ATF7IP2: variants seen among roughly 807,000 people sequenced by gnomAD.
ATF7IP2 encodes activating transcription factor 7-interacting protein 2.
In ATF7IP2, 42 loss-of-function variants were observed where a neutral mutation model predicts 64.2. The observed-to-expected ratio is 0.65, with a 90% CI of 0.51 to 0.85. The LOEUF (loss-of-function observed/expected upper bound fraction) is 0.85. Among genes scored for constraint, ATF7IP2 ranks in the 40% least tolerant of loss-of-function variants. The pLI, the probability that ATF7IP2 is intolerant of heterozygous loss-of-function variation, is 0.00. For synonymous variants in ATF7IP2, 308 were observed against 272.8 expected (o/e 1.13, Z -1.27); for missense variants, 933 against 784.2 (o/e 1.19, Z -2.27).
intron 9 of ATF7IP2, among the ~76,000 whole-genome samples, chr16:10,459,351 C>G (rs1268529092): frequency 6.6e-6 from 1 of 152,068 alleles, no homozygotes; most frequent in African/African-American, 2.4e-5. Context: ...GCCTGTACTC[C>G]CAGCTACTCA....
chr16:10,462,809 C>G (rs1294618036), intron 9 of ATF7IP2, among the ~76,000 whole-genome samples: 2 of 152,054 alleles, frequency 1.3e-5, no homozygotes, highest in African/African-American at 4.8e-5. Context: ...TCTATGTCTT[C>G]TGTCTTACTG....
intron 9 of ATF7IP2, among the ~76,000 whole-genome samples, chr16:10,465,528 A>T (rs2049535989): frequency 1.3e-5 from 2 of 151,630 alleles, no homozygotes; most frequent in Admixed American, 6.6e-5. Context: ...TCCTGAGGTC[A>T]GGAATTTGAC....
intron 8 of ATF7IP2, among the ~76,000 whole-genome samples, chr16:10,444,864 T>C (rs916971498): frequency 6.6e-6 from 1 of 152,186 alleles, no homozygotes; most frequent in Non-Finnish European, 1.5e-5. Flanking sequence ...TACAATATTT[T>C]CAATTAATGC....
Position 10,482,253 on chromosome 16 carries a change from G to C in ATF7IP2, c.*4G>C. 1.3e-6 allele frequency: 2 copies of C among 1,559,762 alleles called. No individual in the cohort carries two copies. Among genetic ancestry groups the C allele is most frequent in the Non-Finnish European group, 1.7e-6 (2 of 1,150,982 alleles). ...GTTTTCTGAAAATCTTACGTAAAAG[G>C]TGTTTAATAATGATATACTACTTTT... On this transcript the variant is annotated 3_prime_UTR_variant, in exon 14 of 14. Transcript: ENST00000562102.
At chr16:10,413,183 T>G (rs938226212) in intron 1 of ATF7IP2, among the ~76,000 whole-genome samples, 1 of 152,160 alleles carries the variant, frequency 6.6e-6, no homozygotes, top group African/African-American at 2.4e-5. Context: ...ATGGTTTGGC[T>G]GTGTCCGTAC....
At position 10,482,466 on chromosome 16, in the gene ATF7IP2, A is replaced by G. The variant is rs550581050; in HGVS notation, c.*217A>G. On this transcript the variant is annotated 3_prime_UTR_variant, in exon 14 of 14. Transcript: ENST00000562102. ...ATGGATAAGTTCTAAAACATACGCT[A>G]TCATTGGCCCATGTTGCTGAGGTGC... 1.2e-4 allele frequency: 50 copies of G among 413,320 alleles called. No individual in the cohort carries two copies. The Middle Eastern group carries it at 5.9e-3, about 48-fold the overall frequency. The allele number at this position is 413,320 out of a possible 1,614,324, so 25.6% of individuals were successfully genotyped here. A position where few individuals can be genotyped will look rare whatever the true frequency, so the allele number is the denominator to read the frequency against.
intron 9 of ATF7IP2, among the ~76,000 whole-genome samples, chr16:10,462,823 T>G (rs989386506): frequency 1.3e-5 from 2 of 152,198 alleles, no homozygotes; most frequent in Non-Finnish European, 2.9e-5. Flanking sequence ...CTTACTGGTT[T>G]CTAATTATGT....
chr16:10,483,274 T>G lies in ATF7IP2; in HGVS notation c.*1025T>G, dbSNP rs971868165. Reference sequence around the variant, plus strand: ...GAGAATGCATTTGTCCACCTTTGATTTGAGGCTTTAGTTTGCTGATTTCCT... The same window carrying G: ...GAGAATGCATTTGTCCACCTTTGATGTGAGGCTTTAGTTTGCTGATTTCCT... On this transcript the variant is annotated 3_prime_UTR_variant, in exon 14 of 14. Coordinates refer to ENST00000562102, the MANE Select transcript of ATF7IP2 (RefSeq NM_001393719.1). 8.5e-5 allele frequency: 13 copies of G among 152,258 alleles called. No individual in the cohort carries two copies. The highest frequency in any genetic ancestry group is 2.9e-4 in the African/African-American group (12 of 41,538). 9.4% of individuals were successfully genotyped at this position (152,258 alleles called of 1,614,324 possible). A position where few individuals can be genotyped will look rare whatever the true frequency, so the allele number is the denominator to read the frequency against.
At chr16:10,413,419 T>A (rs1179400398) in intron 1 of ATF7IP2, among the ~76,000 whole-genome samples, 2 of 152,190 alleles carry the variant, frequency 1.3e-5, no homozygotes, top group Admixed American at 6.5e-5. Context: ...CCCGCCATGG[T>A]TCTGAGACAT....
Position 10,482,449 on chromosome 16 carries a change from G to A in ATF7IP2, c.*200G>A, listed in dbSNP as rs972773957. The A allele has an allele frequency of 2.1e-6, 1 of 467,438 alleles. No homozygotes were observed. The allele number at this position is 467,438 out of a possible 1,614,324, so 29.0% of individuals were successfully genotyped here. A position where few individuals can be genotyped will look rare whatever the true frequency, so the allele number is the denominator to read the frequency against. On this transcript the variant is annotated 3_prime_UTR_variant, in exon 14 of 14. Coordinates refer to ENST00000562102, the MANE Select transcript of ATF7IP2 (RefSeq NM_001393719.1). ...TTAAATATGTCCTTCCAATGGATAA[G>A]TTCTAAAACATACGCTATCATTGGC...
At chr16:10,440,090 G>A (rs965824012) in intron 7 of ATF7IP2, among the ~76,000 whole-genome samples, 2 of 151,968 alleles carry the variant, frequency 1.3e-5, no homozygotes, top group Non-Finnish European at 2.9e-5. Context: ...AACCCGGGAG[G>A]CAGAGGTTGC....
At chr16:10,461,572 T>G (rs954422343) in intron 9 of ATF7IP2, among the ~76,000 whole-genome samples, 2 of 152,068 alleles carry the variant, frequency 1.3e-5, no homozygotes, top group African/African-American at 4.8e-5. Context: ...CAACGTATGA[T>G]TGGAAAGCAG....
intron 1 of ATF7IP2, among the ~76,000 whole-genome samples, chr16:10,394,840 G>T (rs2047393076): frequency 6.6e-6 from 1 of 151,918 alleles, no homozygotes; most frequent in Non-Finnish European, 1.5e-5. Context: ...GGTTTTGGAG[G>T]GTACAATTAC....
rs201158427 is a variant in ATF7IP2, at chr16:10,479,958, C to CTT, written c.1550-879_1550-878dup. 1.5e-3 allele frequency among the ~76,000 whole-genome samples: 121 copies of CTT among 80,566 alleles called. 1 individual carries two copies. The highest frequency in any genetic ancestry group is 2.1e-3 in the Non-Finnish European group (85 of 41,146). The allele number at this position is 80,566 out of a possible 152,430, so 52.9% of individuals were successfully genotyped here. ...TCTCAGTGATTTAGAACTGGAAATA[C>CTT]TTTTTTTTTTTTTTTTTTTTTTTTT... On this transcript the variant is annotated intron_variant, in intron 12 of 13. Coordinates refer to ENST00000562102, the MANE Select transcript of ATF7IP2 (RefSeq NM_001393719.1).
At position 10,389,518 on chromosome 16, in the gene ATF7IP2, C is replaced by G. The variant is rs1315311539; in HGVS notation, c.-242+3396C>G. ...CCCCGTCCAGTGTTACCATCCCCTACCATCCAATTAAAATGTTTCCAACCC... is the reference window on the plus strand; with the variant it reads ...CCCCGTCCAGTGTTACCATCCCCTAGCATCCAATTAAAATGTTTCCAACCC... On this transcript the variant is annotated intron_variant, in intron 1 of 13. Coordinates refer to ENST00000562102, the MANE Select transcript of ATF7IP2 (RefSeq NM_001393719.1). Among the ~76,000 whole-genome samples, 6 of 152,136 alleles carry G rather than the reference C, an allele frequency of 3.9e-5. 1 individual carries two copies. The South Asian group carries it at 1.0e-3, about 26-fold the overall frequency.
chr16:10,440,769 A>T (rs1183183560), intron 8 of ATF7IP2, among the ~76,000 whole-genome samples: 1 of 152,202 alleles, frequency 6.6e-6, no homozygotes, highest in Non-Finnish European at 1.5e-5. Context: ...TTTTAATTAT[A>T]GTTTAAGTTC....
intron 12 of ATF7IP2, among the ~76,000 whole-genome samples, chr16:10,475,310 T>C (rs1044968484): frequency 2.6e-5 from 4 of 152,226 alleles, no homozygotes; most frequent in Non-Finnish European, 5.9e-5. Flanking sequence ...GTTAAAGATA[T>C]ATATGGTAAT....
chr16:10,473,599 G>T (rs1391704482), intron 11 of ATF7IP2, 65 bp downstream of exon 11: 2 of 1,158,396 alleles, frequency 1.7e-6, no homozygotes, highest in Non-Finnish European at 2.5e-6. Context: ...GAACTTTAGT[G>T]TTTGCTACAT....
At chr16:10,429,467 C>T (rs1254975629) in intron 4 of ATF7IP2, among the ~76,000 whole-genome samples, 35 of 152,162 alleles carry the variant, frequency 2.3e-4, no homozygotes, top group Admixed American at 2.0e-3. Flanking sequence ...TCGCTTGCCT[C>T]GGCCTCCCAG....
Sources: gnomAD v4.1 joint callset for allele counts (sites outside exome capture counted in the v4.1 genomes callset) on GRCh38, gnomAD v4.1.1 for gene constraint, MANE v1.5 for transcripts, NCBI Gene and HGNC (gene_info 2026-07-23, HGNC 2026-07-21) for gene names.